TTC39A: variants seen among roughly 807,000 people sequenced by gnomAD.
TTC39A encodes tetratricopeptide repeat domain 39A.
A neutral mutation model predicts 82.3 loss-of-function variants in TTC39A; 46 were observed. The ratio of observed to expected loss-of-function variants is 0.56; its 90% CI spans 0.44 to 0.71. The LOEUF (loss-of-function observed/expected upper bound fraction) is 0.71, where lower values mean the gene tolerates loss of function less well. TTC39A is among the 30% of genes least tolerant of loss of function. TTC39A has a pLI of 0.00. For missense variants in TTC39A, 543 were observed against 712.9 expected (o/e 0.76, Z 2.71); for synonymous variants, 254 against 275.2 (o/e 0.92, Z 0.76).
At chr1:51,332,873 A>T (rs552882433), upstream of TTC39A, among the ~76,000 whole-genome samples, 79 of 152,200 alleles carry the variant, frequency 5.2e-4, no homozygotes, top group Non-Finnish European at 1.0e-3. Context: ...CAGTGTACAC[A>T]AACTTTGTTT....
intron 5 of TTC39A, chr1:51,309,562 G>A: frequency 1.1e-6 from 1 of 878,154 alleles, no homozygotes. Flanking sequence ...AGGCCTGGAG[G>A]GGCCACGCCC....
At chr1:51,345,073 G>C (rs1570038083) in exon 1 of TTC39A, 8 of 1,335,378 alleles carry the variant, frequency 6.0e-6, no homozygotes, top group African/African-American at 4.6e-5. Context: ...ACGGGGCCGC[G>C]GGCGGCCCCT....
rs1407486203 is a variant in TTC39A at position 51,294,354 on chromosome 1, A to G, written c.1266+37T>C. ...TCTCAGTGAATCCCCACAATCCTAT[A>G]CCCGGAGGGCAGCGCCAGTCCAGAC... On this transcript the variant is annotated intron_variant, in intron 14 of 17. Transcript: ENST00000680483. The surrounding 1 kb of genome is among the most constrained non-coding windows in gnomAD (Gnocchi z 4.3). 1.2e-6 allele frequency: 2 copies of G among 1,613,290 alleles called. No homozygotes were observed. Among genetic ancestry groups the G allele is most frequent in the East Asian group, 2.2e-5 (1 of 44,854 alleles).
At chr1:51,302,241 C>CA (rs932741495) in intron 11 of TTC39A, 116 bp downstream of exon 11, 4 of 390,782 alleles carry the variant, frequency 1.0e-5, no homozygotes, top group African/African-American at 2.7e-5. Context: ...TCTCTCTTGG[C>CA]CCCCCCCCCG....
intron 5 of TTC39A, among the ~76,000 whole-genome samples, chr1:51,310,739 T>A (rs920123503): frequency 6.6e-6 from 1 of 152,242 alleles, no homozygotes; most frequent in African/African-American, 2.4e-5. Context: ...CATTTTCTAA[T>A]CATGTGACCT....
chr1:51,301,316 C>T lies in TTC39A; in HGVS notation c.1053+256G>A, dbSNP rs552100955. The stretch of plus-strand genomic sequence containing the variant: ...CAGTGCATAAGTAGAACATTTCTAC[C>T]ACAGAAACAGTTCTACTGGACAGAG... On this transcript the variant is annotated intron_variant, in intron 12 of 17. Coordinates refer to ENST00000680483, the MANE Select transcript of TTC39A (RefSeq NM_001297663.2). The T allele has an allele frequency of 5.7e-5, 23 of 405,780 alleles. No individual in the cohort carries two copies. The East Asian group carries it at 8.2e-4, about 14-fold the overall frequency. The allele number at this position is 405,780 out of a possible 1,614,324, so 25.1% of individuals were successfully genotyped here. A position where few individuals can be genotyped will look rare whatever the true frequency, so the allele number is the denominator to read the frequency against.
chr1:51,309,680 TTA>T (rs1313579469), intron 5 of TTC39A, among the ~76,000 whole-genome samples: 1 of 152,174 alleles, frequency 6.6e-6, no homozygotes, highest in African/African-American at 2.4e-5. Context: ...TTTATCACAT[TTA>T]TAAATGTAAA....
intron 6 of TTC39A, 26 bp downstream of exon 6, chr1:51,309,235 A>T (rs766282477): frequency 6.3e-7 from 1 of 1,589,160 alleles, no homozygotes; most frequent in Admixed American, 1.7e-5. Context: ...GGGTCTCCCC[A>T]CAAGCGGATG....
chr1:51,327,736 G>A (rs867246757), intron 1 of TTC39A, among the ~76,000 whole-genome samples: 4 of 144,024 alleles, frequency 2.8e-5, no homozygotes, highest in African/African-American at 7.9e-5. Context: ...TCTCTCTGTC[G>A]CCCAGGCTGG....
In TTC39A at chr1:51,311,435, C is replaced by G. The variant is rs1430414984; in HGVS notation, c.356-114G>C. 12 of 872,648 alleles carry G rather than the reference C, an allele frequency of 1.4e-5. No individual in the cohort carries two copies. The East Asian group carries it at 3.0e-4, about 21-fold the overall frequency. 54.1% of individuals were successfully genotyped at this position (872,648 alleles called of 1,614,324 possible). ...GCAAAGGGAACCTATGTCAGCACCT[C>G]TCCTGTCCCCTACCTCGTCACCCAG... On this transcript the variant is annotated intron_variant, in intron 4 of 17. Coordinates refer to ENST00000680483, the MANE Select transcript of TTC39A (RefSeq NM_001297663.2).
chr1:51,312,327 A>C (rs1033224175), intron 3 of TTC39A, 132 bp from the exon 4 acceptor site: 15 of 924,196 alleles, frequency 1.6e-5, no homozygotes, highest in Non-Finnish European at 2.4e-5. Flanking sequence ...CTTAGAGGTC[A>C]AACAGAAGAG....
In TTC39A at chr1:51,287,431, G is replaced by A; in HGVS notation, c.*726C>T. On this transcript the variant is annotated 3_prime_UTR_variant, in exon 18 of 18. Transcript: ENST00000680483. ...CCTGCCCCCCAAATTTCCTGGCTTTGGCATAGAAAGGGCTACACAGCTCTT... is the reference window on the plus strand; with the variant it reads ...CCTGCCCCCCAAATTTCCTGGCTTTAGCATAGAAAGGGCTACACAGCTCTT... 1 of 152,180 alleles carries A rather than the reference G, an allele frequency of 6.6e-6. No homozygotes were observed. The highest frequency in any genetic ancestry group is 1.9e-4 in the East Asian group (1 of 5,200). The allele number at this position is 152,180 out of a possible 1,614,324, so 9.4% of individuals were successfully genotyped here. A position where few individuals can be genotyped will look rare whatever the true frequency, so the allele number is the denominator to read the frequency against.
chr1:51,335,258 C>T (rs1443674072), upstream of TTC39A: 1 of 152,048 alleles, frequency 6.6e-6, no homozygotes, highest in Non-Finnish European at 1.5e-5. Context: ...TTAAGAAGGC[C>T]CTTAATATGG....
At chr1:51,340,891 G>C (rs1007090374) in intron 1 of TTC39A, among the ~76,000 whole-genome samples, 1 of 152,152 alleles carries the variant, frequency 6.6e-6, no homozygotes, top group Non-Finnish European at 1.5e-5. Context: ...CCAGCCTAAG[G>C]CCGGGTGCGG....
At chr1:51,332,316 A>G (rs1339061512), upstream of TTC39A, among the ~76,000 whole-genome samples, 2 of 152,214 alleles carry the variant, frequency 1.3e-5, no homozygotes, top group Admixed American at 1.3e-4. Context: ...GCAGTGGCAC[A>G]ATCTCGTGAT....
intron 1 of TTC39A, among the ~76,000 whole-genome samples, chr1:51,337,924 G>C (rs1645994771): frequency 2.0e-5 from 3 of 152,108 alleles, no homozygotes. Flanking sequence ...GCCCAGGCTG[G>C]TCTTGAACTC....
chr1:51,297,164 C>T (rs2148143671), intron 12 of TTC39A: 1 of 152,256 alleles, frequency 6.6e-6, no homozygotes, highest in East Asian at 1.9e-4. Context: ...AGCTGGTCTT[C>T]GTGGGCCACG....
intron 2 of TTC39A, among the ~76,000 whole-genome samples, chr1:51,319,122 C>G (rs1260919797): frequency 1.3e-5 from 2 of 151,922 alleles, no homozygotes; most frequent in Non-Finnish European, 2.9e-5. Flanking sequence ...TCCTAAGGGC[C>G]TCATATTCCA....
At chr1:51,323,637 C>T (rs961687612) in intron 1 of TTC39A, among the ~76,000 whole-genome samples, 1 of 152,196 alleles carries the variant, frequency 6.6e-6, no homozygotes, top group Non-Finnish European at 1.5e-5. Flanking sequence ...TTCACCAGCT[C>T]TTTCATTAGG....
Sources: allele counts gnomAD v4.1 joint callset (sites outside exome capture counted in the v4.1 genomes callset), GRCh38; gene constraint gnomAD v4.1.1; non-coding constraint Gnocchi (gnomAD v3.1); transcripts MANE v1.5; gene names NCBI Gene and HGNC (gene_info 2026-07-23, HGNC 2026-07-21).